SPHKAP: variants seen among roughly 807,000 people sequenced by gnomAD.
SPHKAP encodes the protein SPHK1 interactor, AKAP domain containing.
Under a neutral mutation model 137.5 loss-of-function variants are expected in SPHKAP, and 67 were observed. The ratio of observed to expected loss-of-function variants is 0.49; its 90% CI spans 0.40 to 0.60. SPHKAP has a LOEUF of 0.60. Among genes scored for constraint, SPHKAP ranks in the 20% least tolerant of loss-of-function variants. SPHKAP has a pLI of 0.00. For missense variants in SPHKAP, 2,097 were observed against 2,069.3 expected (o/e 1.01, Z -0.26); for synonymous variants, 813 against 785.3 (o/e 1.04, Z -0.59).
chr2:228,081,375 C>T (rs910028770), intron 3 of SPHKAP, among the ~76,000 whole-genome samples: 10 of 152,162 alleles, frequency 6.6e-5, no homozygotes, highest in African/African-American at 2.4e-4. Flanking sequence ...TTCTTTTCTT[C>T]TAGGCATGTC....
chr2:228,025,553 T>C (rs756670569), intron 4 of SPHKAP, 25 bp from the exon 5 acceptor site: 5 of 1,611,604 alleles, frequency 3.1e-6, no homozygotes, highest in Non-Finnish European at 4.2e-6. Flanking sequence ...TCTTTATTAG[T>C]TTAGCTGATT....
intron 1 of SPHKAP, among the ~76,000 whole-genome samples, chr2:228,165,152 A>AT (rs36019677): frequency 5.3e-4 from 78 of 146,050 alleles, no homozygotes; most frequent in Admixed American, 8.9e-4. Flanking sequence ...CTGTGGCAGC[A>AT]TTTTTTTTTT....
chr2:228,012,459 G>A (rs538815677), intron 7 of SPHKAP, among the ~76,000 whole-genome samples: 4 of 152,098 alleles, frequency 2.6e-5, no homozygotes, highest in Admixed American at 2.0e-4. Context: ...CCTTCTCTTC[G>A]TTTAGGTCTC....
chr2:228,054,100 C>A (rs1696355405), intron 3 of SPHKAP, among the ~76,000 whole-genome samples: 2 of 151,962 alleles, frequency 1.3e-5, no homozygotes, highest in African/African-American at 2.4e-5. Flanking sequence ...AAAAAGAGTA[C>A]AAAGGAAATC....
intron 1 of SPHKAP, among the ~76,000 whole-genome samples, chr2:228,162,388 G>A (rs1700299340): frequency 1.3e-5 from 2 of 152,202 alleles, no homozygotes; most frequent in East Asian, 1.9e-4. Flanking sequence ...TATATTTGAA[G>A]TATTCTAACT....
At chr2:228,117,608 C>A (rs1328281038) in intron 2 of SPHKAP, among the ~76,000 whole-genome samples, 1 of 152,096 alleles carries the variant, frequency 6.6e-6, no homozygotes. Context: ...CATCTTTACT[C>A]CAGGTAACAT....
Position 228,018,291 on chromosome 2 carries a change from C to T in SPHKAP, c.2563G>A (p.Ala855Thr). Residue 855 changes from alanine (A) to threonine (T), a missense_variant, in exon 7 of 12, where the codon GCC becomes ACC. Transcript: ENST00000392056. Reference sequence around the variant, plus strand: ...GGGGACCTTTGTCCTTCGGAAGAGGCTCTGCATTCATTCTCACTGTGATGA... The same window carrying T: ...GGGGACCTTTGTCCTTCGGAAGAGGTTCTGCATTCATTCTCACTGTGATGA... ...SPHHSENECR[A>T]SSEGQRSPTV... 3 of 1,614,206 alleles carry T rather than the reference C, an allele frequency of 1.9e-6. No individual in the cohort carries two copies. The highest frequency in any genetic ancestry group is 1.3e-5 in the African/African-American group (1 of 75,054).
At chr2:227,994,517 C>T (rs1005126205) in intron 8 of SPHKAP, among the ~76,000 whole-genome samples, 4 of 150,998 alleles carry the variant, frequency 2.6e-5, no homozygotes, top group South Asian at 2.1e-4. Context: ...TGTAGTGGGA[C>T]GGCTTTCTCC....
chr2:228,180,693 G>C (rs534110526), intron 1 of SPHKAP, among the ~76,000 whole-genome samples: 1 of 152,196 alleles, frequency 6.6e-6, no homozygotes, highest in African/African-American at 2.4e-5. Context: ...CCCAGCGAGC[G>C]CAAAGAGCGC....
intron 1 of SPHKAP, among the ~76,000 whole-genome samples, chr2:228,179,596 C>T (rs1214962497): frequency 1.3e-5 from 2 of 152,042 alleles, no homozygotes; most frequent in African/African-American, 4.8e-5. Context: ...TAATAAAATA[C>T]CGGAAATTAC....
chr2:228,109,605 A>G (rs1698452410), intron 2 of SPHKAP, among the ~76,000 whole-genome samples: 1 of 152,210 alleles, frequency 6.6e-6, no homozygotes, highest in African/African-American at 2.4e-5. Context: ...AAGGAAGAAC[A>G]AGCATATTTT....
At chr2:228,175,764 T>C (rs947801539) in intron 1 of SPHKAP, among the ~76,000 whole-genome samples, 8 of 152,028 alleles carry the variant, frequency 5.3e-5, no homozygotes, top group Non-Finnish European at 1.0e-4. Flanking sequence ...TAAGATACAA[T>C]ACCCTATCTA....
At chr2:228,152,667 T>G (rs960328690) in intron 1 of SPHKAP, among the ~76,000 whole-genome samples, 2 of 152,096 alleles carry the variant, frequency 1.3e-5, no homozygotes, top group African/African-American at 4.8e-5. Flanking sequence ...CTTTCTTCAG[T>G]TGCATTAGTC....
intron 1 of SPHKAP, among the ~76,000 whole-genome samples, chr2:228,136,291 A>G (rs1257292716): frequency 6.6e-6 from 1 of 152,230 alleles, no homozygotes. Flanking sequence ...AACTGGTTTC[A>G]TGCTGAAACC....
intron 11 of SPHKAP, among the ~76,000 whole-genome samples, chr2:227,986,544 C>G (rs1170137762): frequency 6.6e-6 from 1 of 152,116 alleles, no homozygotes; most frequent in Non-Finnish European, 1.5e-5. Flanking sequence ...AACCAAATAC[C>G]ACCTGTTCCC....
At chr2:228,014,793 G>A (rs1328584239) in intron 7 of SPHKAP, among the ~76,000 whole-genome samples, 2 of 152,126 alleles carry the variant, frequency 1.3e-5, no homozygotes, top group African/African-American at 4.8e-5. Context: ...TGTTCAACTT[G>A]TTGGCTGCCA....
chr2:228,163,735 G>C (rs142125819), intron 1 of SPHKAP, among the ~76,000 whole-genome samples: 1 of 152,106 alleles, frequency 6.6e-6, no homozygotes, highest in Non-Finnish European at 1.5e-5. Context: ...TTTGCATGAC[G>C]TATGACCAAC....
intron 7 of SPHKAP, among the ~76,000 whole-genome samples, chr2:228,006,956 G>C (rs1055372909): frequency 6.6e-6 from 1 of 152,220 alleles, no homozygotes; most frequent in African/African-American, 2.4e-5. Flanking sequence ...CCTACTGCGG[G>C]ATGCCTCCCA....
chr2:228,016,335 T>C, intron 7 of SPHKAP, 71 bp downstream of exon 7: 1 of 1,488,800 alleles, frequency 6.7e-7, no homozygotes, highest in Non-Finnish European at 8.9e-7. Context: ...GTCTAAAATT[T>C]AGACTAAACA....
Sources: gnomAD v4.1 joint callset for allele counts (sites outside exome capture counted in the v4.1 genomes callset) on GRCh38, gnomAD v4.1.1 for gene constraint, MANE v1.5 for transcripts, NCBI Gene and HGNC (gene_info 2026-07-23, HGNC 2026-07-21) for gene names.